TMPRSS12: variants seen among roughly 807,000 people sequenced by gnomAD.
The protein encoded by TMPRSS12 is transmembrane serine protease 12, also known as transmembrane protease serine 12.
A neutral mutation model predicts 26.0 loss-of-function variants in TMPRSS12; 25 were observed. The ratio of observed to expected loss-of-function variants is 0.96; its 90% CI spans 0.70 to 1.34. The LOEUF is 1.34. Ranked by LOEUF, TMPRSS12 falls within the 40% of genes most tolerant of loss-of-function variation. TMPRSS12 has a pLI of 0.00. For missense variants in TMPRSS12, 441 were observed against 440.1 expected, an observed-to-expected ratio of 1.00 and a Z score of -0.02; for synonymous variants, 150 against 161.7, an observed-to-expected ratio of 0.93 and a Z score of 0.55.
intron 3 of TMPRSS12, among the ~76,000 whole-genome samples, chr12:50,864,698 A>G (rs4483656): frequency 0.65 from 98,481 of 151,988 alleles, 32,229 homozygotes; most frequent in Non-Finnish European, 0.7. Context: ...TTGCTCTGTC[A>G]CCCAGCTGGA....
At chr12:50,846,275 C>G (rs775659486) in intron 2 of TMPRSS12, among the ~76,000 whole-genome samples, 33 of 152,078 alleles carry the variant, frequency 2.2e-4, no homozygotes, top group Non-Finnish European at 3.8e-4. Flanking sequence ...AGCTTTAGCT[C>G]TTAGATTTAG....
chr12:50,868,903 G>A (rs1938016655), intron 3 of TMPRSS12, among the ~76,000 whole-genome samples: 1 of 152,054 alleles, frequency 6.6e-6, no homozygotes, highest in Non-Finnish European at 1.5e-5. Context: ...TAATCATTGG[G>A]TCAAAAACAA....
At chr12:50,850,627 G>C (rs1937817291) in intron 2 of TMPRSS12, among the ~76,000 whole-genome samples, 1 of 152,070 alleles carries the variant, frequency 6.6e-6, no homozygotes, top group African/African-American at 2.4e-5. Flanking sequence ...TGTGGACCCT[G>C]CCATGCCTGT....
chr12:50,855,692 A>G (rs1219746815), intron 2 of TMPRSS12, among the ~76,000 whole-genome samples: 2 of 152,250 alleles, frequency 1.3e-5, no homozygotes, highest in African/African-American at 4.8e-5. Context: ...TGACCCAGCA[A>G]TCCCATTACT....
intron 2 of TMPRSS12, among the ~76,000 whole-genome samples, chr12:50,854,163 G>T (rs187207156): frequency 2.6e-5 from 4 of 151,972 alleles, no homozygotes; most frequent in Non-Finnish European, 5.9e-5. Context: ...TGCAAAATTG[G>T]TTCAACATAT....
At chr12:50,861,582 C>T (rs1207503366) in intron 3 of TMPRSS12, among the ~76,000 whole-genome samples, 4 of 151,948 alleles carry the variant, frequency 2.6e-5, no homozygotes, top group South Asian at 2.1e-4. Context: ...AAGCAACTAC[C>T]GTTTGTTTAG....
At chr12:50,851,909 A>G (rs1937829721) in intron 2 of TMPRSS12, among the ~76,000 whole-genome samples, 1 of 152,248 alleles carries the variant, frequency 6.6e-6, no homozygotes. Context: ...ATCCTTAAAG[A>G]AAATTAATTC....
At chr12:50,885,700 T>G in intron 4 of TMPRSS12, 1 of 570,560 alleles carries the variant, frequency 1.8e-6, no homozygotes, top group Non-Finnish European at 3.1e-6. Context: ...TTGTCACCCA[T>G]GCTGGAGTGC....
chr12:50,885,804 C>A, intron 4 of TMPRSS12: 1 of 339,992 alleles, frequency 2.9e-6, no homozygotes, highest in Non-Finnish European at 5.3e-6. Flanking sequence ...TACAGGCACA[C>A]ATCACTATGC....
rs1185802290 is a variant in TMPRSS12 at position 50,858,967 on chromosome 12, C to T, written c.566C>T (p.Pro189Leu). The change falls in exon 3 of 5, where the codon CCT (proline) becomes CTT (leucine). Residue 189 changes from proline to leucine, a missense_variant. Physicochemically the swap from Pro to Leu is moderately conservative, Grantham distance 98. Transcript: ENST00000398458. ...GTGAGGTATAATGACTATATTCAGC[C>T]TATTTGCCTACCTTTTGATGTTTTC... ...KAVRYNDYIQ[P>L]ICLPFDVFQI... is the part of the protein sequence containing the mutation. 3.1e-6 allele frequency: 5 copies of T among 1,596,068 alleles called. No homozygotes were observed. Among genetic ancestry groups the T allele is most frequent in the Non-Finnish European group, 4.3e-6 (5 of 1,170,488 alleles).
chr12:50,848,378 G>T (rs1223209801), intron 2 of TMPRSS12: 1 of 152,128 alleles, frequency 6.6e-6, no homozygotes, highest in Non-Finnish European at 1.5e-5. Context: ...ACCAGTCATG[G>T]TCTTTACTCC....
chr12:50,880,098 G>A (rs566015955), intron 3 of TMPRSS12, among the ~76,000 whole-genome samples: 2 of 152,308 alleles, frequency 1.3e-5, no homozygotes, highest in South Asian at 2.1e-4. Flanking sequence ...AATAGTACAT[G>A]AAAAGCTGTT....
intron 3 of TMPRSS12, among the ~76,000 whole-genome samples, chr12:50,859,623 G>A (rs1592219433): frequency 6.6e-6 from 1 of 152,188 alleles, no homozygotes; most frequent in Non-Finnish European, 1.5e-5. Context: ...CTCCCAAAGT[G>A]TTGAGATTAC....
chr12:50,873,205 C>A (rs910671565), intron 3 of TMPRSS12, among the ~76,000 whole-genome samples: 1 of 151,234 alleles, frequency 6.6e-6, no homozygotes, highest in Non-Finnish European at 1.5e-5. Context: ...GGGAGGGGGG[C>A]GAGGGATAAA....
chr12:50,887,357 A>G lies in TMPRSS12; in HGVS notation c.891A>G (p.Arg297=). 6.2e-7 allele frequency: 1 copy of G among 1,613,886 alleles called. No homozygotes were observed. Among genetic ancestry groups the G allele is most frequent in the Non-Finnish European group, 8.5e-7 (1 of 1,179,854 alleles). Residue 297 remains arginine, a synonymous_variant, in exon 5 of 5, where the codon AGA becomes AGG. Transcript: ENST00000398458. The part of the protein sequence containing the change: ...ITSYGHGCGR[R]GFPGVYIGPS... ...GTTACGGACATGGCTGTGGTCGAAG[A>G]GGTTTTCCTGGTGTCTATATTGGGC...
chr12:50,880,962 A>ATTTATTTTTT (rs1443301507), intron 3 of TMPRSS12, among the ~76,000 whole-genome samples: 1 of 99,170 alleles, frequency 1.0e-5, no homozygotes, highest in Non-Finnish European at 2.0e-5. Flanking sequence ...GGAATCAGTA[A>ATTTATTTTTT]TTTCTTTTTT....
In TMPRSS12 at chr12:50,866,162, C is replaced by A. The variant is rs531549500; in HGVS notation, c.652+7109C>A. Among the ~76,000 whole-genome samples, 4 of 152,194 alleles carry A rather than the reference C, an allele frequency of 2.6e-5. No homozygotes were observed. In the South Asian group the frequency reaches 6.2e-4, roughly 24 times the overall value. On this transcript the variant is annotated intron_variant, in intron 3 of 4. Coordinates refer to ENST00000398458, the MANE Select transcript of TMPRSS12 (RefSeq NM_182559.3). Reference sequence around the variant, plus strand: ...CGAGAATCCCAAGACAACCCACAGACCCTCTGAAGGAAGCAGACTGCTCCT... The same window carrying A: ...CGAGAATCCCAAGACAACCCACAGAACCTCTGAAGGAAGCAGACTGCTCCT...
At chr12:50,847,309 G>A (rs950644262) in intron 2 of TMPRSS12, among the ~76,000 whole-genome samples, 22 of 151,796 alleles carry the variant, frequency 1.4e-4, no homozygotes, top group Admixed American at 5.2e-4. Flanking sequence ...CGCCCGTCTC[G>A]GCCTCCCAAA....
chr12:50,859,041 A>G lies in TMPRSS12; in HGVS notation c.640A>G (p.Thr214Ala). ...TKCFISGWGR[T>A]KEEGNATNIL... is the part of the protein sequence containing the mutation. ...GTGTTTTATAAGTGGCTGGGGAAGA[A>G]CAAAAGAAGAAGGTAATTATGGTCT... is the stretch of plus-strand genomic sequence containing the variant. Residue 214 changes from threonine to alanine, a missense_variant, in exon 3 of 5, where the codon ACA becomes GCA. By Grantham distance (58) the Thr-to-Ala change is moderately conservative (BLOSUM62 0). Coordinates refer to ENST00000398458, the MANE Select transcript of TMPRSS12 (RefSeq NM_182559.3). The G allele has an allele frequency of 6.3e-7, 1 of 1,584,582 alleles. No individual in the cohort carries two copies.
Sources: allele counts gnomAD v4.1 joint callset (sites outside exome capture counted in the v4.1 genomes callset), GRCh38; gene constraint gnomAD v4.1.1; transcripts MANE v1.5; gene names NCBI Gene and HGNC (gene_info 2026-07-23, HGNC 2026-07-21).